Variants in ARHGAP15 observed in about 807,000 individuals in gnomAD.
ARHGAP15 encodes rho GTPase-activating protein 15.
A neutral mutation model predicts 63.7 loss-of-function variants in ARHGAP15; 51 were observed. That is an observed-to-expected ratio of 0.80 (90% CI 0.64 to 1.01). ARHGAP15 has a LOEUF of 1.01. Among genes scored for constraint, ARHGAP15 ranks in the 50% least tolerant of loss-of-function variants. The pLI, the probability that ARHGAP15 is intolerant of heterozygous loss-of-function variation, is 0.00. For missense variants in ARHGAP15, 560 were observed against 564.6 expected (o/e 0.99, Z 0.08); for synonymous variants, 191 against 193.8 (o/e 0.99, Z 0.12).
chr2:143,726,134 A>G (rs1416993992), intron 13 of ARHGAP15, among the ~76,000 whole-genome samples: 1 of 152,256 alleles, frequency 6.6e-6, no homozygotes, highest in Non-Finnish European at 1.5e-5. Context: ...GGTCAAGTGC[A>G]TGATTAGCAC....
At chr2:143,572,436 G>A (rs1248219636) in intron 11 of ARHGAP15, among the ~76,000 whole-genome samples, 1 of 151,946 alleles carries the variant, frequency 6.6e-6, no homozygotes, top group Admixed American at 6.6e-5. Context: ...CCCTTGCCCT[G>A]TTCTCAGCGT....
At chr2:143,415,291 T>G (rs1688626618) in intron 6 of ARHGAP15, among the ~76,000 whole-genome samples, 1 of 151,906 alleles carries the variant, frequency 6.6e-6, no homozygotes, top group Admixed American at 6.6e-5. Context: ...TAGGAAAAAA[T>G]GACTTATGTA....
intron 13 of ARHGAP15, among the ~76,000 whole-genome samples, chr2:143,731,450 C>T (rs1685532865): frequency 2.0e-5 from 3 of 152,146 alleles, no homozygotes; most frequent in Admixed American, 1.3e-4. Flanking sequence ...TGAATTTTCT[C>T]ATCAATTCCA....
intron 11 of ARHGAP15, chr2:143,606,703 C>T (rs1464140142): frequency 1.3e-5 from 2 of 152,130 alleles, no homozygotes; most frequent in African/African-American, 2.4e-5. Flanking sequence ...CCAGAAATCC[C>T]ATATGGTTTT....
chr2:143,289,009 C>A (rs987431902), intron 6 of ARHGAP15, among the ~76,000 whole-genome samples: 1 of 152,130 alleles, frequency 6.6e-6, no homozygotes, highest in South Asian at 2.1e-4. Flanking sequence ...TCACCACCGA[C>A]AGTAAGGTTC....
chr2:143,278,158 T>A (rs1188306740), intron 6 of ARHGAP15, among the ~76,000 whole-genome samples: 1 of 152,200 alleles, frequency 6.6e-6, no homozygotes, highest in East Asian at 1.9e-4. Flanking sequence ...ACACAGTTGT[T>A]CCTTCTTCCT....
rs547721398 is a variant in ARHGAP15 at position 143,134,956 on chromosome 2, A to G, written c.-15+5490A>G. Among the ~76,000 whole-genome samples the G allele has an allele frequency of 2.6e-5, 4 of 152,276 alleles. No individual in the cohort carries two copies. In the South Asian group the frequency reaches 8.3e-4, roughly 32 times the overall value. The stretch of plus-strand genomic sequence containing the variant: ...AGCCTAAATGCTGTATTCCTTTTCT[A>G]AAGCTTGAAATAGACAGTAGCTTAA... On this transcript the variant is annotated intron_variant, in intron 1 of 13. Transcript: ENST00000295095.
rs994535826 is a variant in ARHGAP15, at chr2:143,454,153, C to T, written c.703+17111C>T. On this transcript the variant is annotated intron_variant, in intron 8 of 13. Transcript: ENST00000295095. ...CCGTCATTGAGAGGCCCTGAGGACT[C>T]GTATCTGTAGTAATTGATACCTAGT... 5.9e-5 allele frequency among the ~76,000 whole-genome samples: 9 copies of T among 151,906 alleles called. No individual in the cohort carries two copies. In the East Asian group the frequency reaches 1.4e-3, roughly 23 times the overall value.
At chr2:143,453,294 T>A (rs1426423527) in intron 8 of ARHGAP15, among the ~76,000 whole-genome samples, 1 of 151,934 alleles carries the variant, frequency 6.6e-6, no homozygotes, top group Admixed American at 6.6e-5. Flanking sequence ...TGGAGTGAGG[T>A]TGATGGTTTC....
intron 13 of ARHGAP15, among the ~76,000 whole-genome samples, chr2:143,735,345 C>A (rs10169606): frequency 6.6e-6 from 1 of 151,900 alleles, no homozygotes; most frequent in Non-Finnish European, 1.5e-5. Flanking sequence ...CACAATCAGA[C>A]GTGACTTTGG....
intron 8 of ARHGAP15, among the ~76,000 whole-genome samples, chr2:143,484,444 A>G (rs1486026624): frequency 3.9e-5 from 6 of 152,148 alleles, no homozygotes; most frequent in Admixed American, 3.9e-4. Context: ...AGGCACGAGA[A>G]TCACTTCAAT....
At chr2:143,292,866 G>C (rs62170387) in intron 6 of ARHGAP15, among the ~76,000 whole-genome samples, 19,156 of 151,816 alleles carry the variant, frequency 0.13, 1,478 homozygotes, top group Non-Finnish European at 0.16. Flanking sequence ...AGCTATTGTT[G>C]ATTGTTTCTA....
In ARHGAP15 at chr2:143,372,349, T is replaced by TA. The variant is rs35140789; in HGVS notation, c.475-63230dup. 8.2e-3 allele frequency among the ~76,000 whole-genome samples: 938 copies of TA among 114,134 alleles called. 9 individuals carry two copies. Among genetic ancestry groups the TA allele is most frequent in the African/African-American group, 0.01 (314 of 29,946 alleles). The allele number at this position is 114,134 out of a possible 152,430, so 74.9% of individuals were successfully genotyped here. On this transcript the variant is annotated intron_variant, in intron 6 of 13. Transcript: ENST00000295095. ...AAAAAATAAAATGGAGTAGTCGATT[T>TA]AAAAAAAAAAAAAAAAAAAAAAGGA...
At chr2:143,235,887 A>G in intron 5 of ARHGAP15, 1 of 1,498,188 alleles carries the variant, frequency 6.7e-7, no homozygotes, top group Non-Finnish European at 8.9e-7. Flanking sequence ...ATTTCAATTG[A>G]CTCTAGCACT....
At position 143,768,311 on chromosome 2, in the gene ARHGAP15, T is replaced by A; in HGVS notation, c.*139T>A. On this transcript the variant is annotated 3_prime_UTR_variant, in exon 14 of 14. Coordinates refer to ENST00000295095, the MANE Select transcript of ARHGAP15 (RefSeq NM_018460.4). ...TTTTGTGAAAACTTAATGATGATTT[T>A]GTGTTTAAGTTCCAAACATTTGAAT... 1.2e-6 allele frequency: 1 copy of A among 801,612 alleles called. No individual in the cohort carries two copies. Among genetic ancestry groups the A allele is most frequent in the Non-Finnish European group, 1.9e-6 (1 of 513,622 alleles). 49.7% of individuals were successfully genotyped at this position (801,612 alleles called of 1,614,324 possible). A position where few individuals can be genotyped will look rare whatever the true frequency, so the allele number is the denominator to read the frequency against.
intron 11 of ARHGAP15, among the ~76,000 whole-genome samples, chr2:143,578,227 T>C (rs1420914458): frequency 1.3e-5 from 2 of 151,946 alleles, no homozygotes; most frequent in African/African-American, 4.8e-5. Context: ...CTTTGAAATG[T>C]TTTAGGAGCA....
intron 13 of ARHGAP15, among the ~76,000 whole-genome samples, chr2:143,713,791 C>G (rs527444166): frequency 6.6e-6 from 1 of 152,206 alleles, no homozygotes; most frequent in Non-Finnish European, 1.5e-5. Flanking sequence ...AAAATGATCT[C>G]CTTTGACTCC....
intron 11 of ARHGAP15, among the ~76,000 whole-genome samples, chr2:143,609,713 T>C (rs1698180540): frequency 6.6e-6 from 1 of 152,152 alleles, no homozygotes; most frequent in African/African-American, 2.4e-5. Flanking sequence ...TTCTCCACTC[T>C]TCACTACCCT....
intron 6 of ARHGAP15, among the ~76,000 whole-genome samples, chr2:143,317,184 C>T (rs772518184): frequency 1.3e-5 from 2 of 152,102 alleles, no homozygotes; most frequent in Non-Finnish European, 2.9e-5. Context: ...AAAATAGACA[C>T]TTTGTCTTTC....
Sources: gnomAD v4.1 joint callset for allele counts (sites outside exome capture counted in the v4.1 genomes callset) on GRCh38, gnomAD v4.1.1 for gene constraint, MANE v1.5 for transcripts, NCBI Gene and HGNC (gene_info 2026-07-23, HGNC 2026-07-21) for gene names.